The following PLPPR5 variants were observed in gnomAD, a reference collection of about 807,000 sequenced individuals.
PLPPR5 encodes phospholipid phosphatase related 5.
In PLPPR5, 16 loss-of-function variants were observed where a neutral mutation model predicts 33.9. The ratio of observed to expected loss-of-function variants is 0.47; its 90% confidence interval spans 0.32 to 0.72. The LOEUF (loss-of-function observed/expected upper bound fraction) is 0.72, where lower values mean the gene tolerates loss of function less well. Among genes scored for constraint, PLPPR5 ranks in the 30% least tolerant of loss-of-function variants. PLPPR5 has a pLI of 0.03. For missense variants in PLPPR5, 301 were observed against 406.7 expected (o/e 0.74, Z 2.23); for synonymous variants, 163 against 150.3 (o/e 1.08, Z -0.62).
At chr1:98,923,334 G>A (rs115170784) in intron 3 of PLPPR5, among the ~76,000 whole-genome samples, 1,620 of 152,162 alleles carry the variant, frequency 0.011, 23 homozygotes, top group African/African-American at 0.037. Context: ...TGGTATAAAC[G>A]TCAATAAGTA....
intron 3 of PLPPR5, among the ~76,000 whole-genome samples, chr1:98,927,924 T>C (rs1047858045): frequency 2.2e-4 from 33 of 151,738 alleles, no homozygotes; most frequent in Non-Finnish European, 1.3e-4. Flanking sequence ...TTTCATTATA[T>C]ATAATTATAA....
chr1:98,898,632 A>G (rs770714142), intron 5 of PLPPR5, among the ~76,000 whole-genome samples: 3 of 152,172 alleles, frequency 2.0e-5, no homozygotes, highest in Non-Finnish European at 2.9e-5. Context: ...CTCAGATTTG[A>G]AGCTGTAAAA....
At chr1:98,977,718 T>C (rs879282206) in intron 1 of PLPPR5, among the ~76,000 whole-genome samples, 10 of 151,650 alleles carry the variant, frequency 6.6e-5, no homozygotes, top group Middle Eastern at 3.4e-3. Flanking sequence ...AATTTCTCTA[T>C]ACATGGTGAA....
At chr1:98,963,998 G>A (rs1388234516) in intron 1 of PLPPR5, among the ~76,000 whole-genome samples, 6 of 152,056 alleles carry the variant, frequency 3.9e-5, no homozygotes, top group African/African-American at 1.4e-4. Context: ...TGAGGATCTG[G>A]TGTTTTGGTC....
In PLPPR5 at chr1:98,892,782, A is replaced by G; in HGVS notation, c.*290T>C. ...ATGATTCTGTGAGAAACTAAAGTGAATGTTTTATTTAAGAATTTTGTTCAT... is the reference window on the plus strand; with the variant it reads ...ATGATTCTGTGAGAAACTAAAGTGAGTGTTTTATTTAAGAATTTTGTTCAT... On this transcript the variant is annotated 3_prime_UTR_variant, in exon 6 of 6. Transcript: ENST00000263177. 1 of 316,736 alleles carries G rather than the reference A, an allele frequency of 3.2e-6. No homozygotes were observed. Among genetic ancestry groups the G allele is most frequent in the South Asian group, 6.4e-5 (1 of 15,662 alleles). The allele number at this position is 316,736 out of a possible 1,614,324, so 19.6% of individuals were successfully genotyped here.
chr1:98,892,877 A>G lies in PLPPR5; in HGVS notation c.*195T>C. 1 of 566,736 alleles carries G rather than the reference A, an allele frequency of 1.8e-6. No individual in the cohort carries two copies. The highest frequency in any genetic ancestry group is 2.5e-5 in the South Asian group (1 of 40,784). The allele number at this position is 566,736 out of a possible 1,614,324, so 35.1% of individuals were successfully genotyped here. A position where few individuals can be genotyped will look rare whatever the true frequency, so the allele number is the denominator to read the frequency against. The stretch of plus-strand genomic sequence containing the variant: ...TGTTGTAAGTGCTGGGGACACAGAA[A>G]AAAAAAGACAATCCTGCCCTCGAGG... On this transcript the variant is annotated 3_prime_UTR_variant, in exon 6 of 6. Transcript: ENST00000263177.
chr1:98,935,375 C>A (rs1196929733), intron 3 of PLPPR5, among the ~76,000 whole-genome samples: 1 of 152,074 alleles, frequency 6.6e-6, no homozygotes, highest in African/African-American at 2.4e-5. Context: ...ATAATGAGGG[C>A]CTGAACTAAG....
In PLPPR5 at chr1:99,004,618, C is replaced by A; in HGVS notation, c.54G>T (p.Val18=). Residue 18 remains valine, a synonymous_variant, in exon 1 of 6, where the codon GTG becomes GTT. Coordinates refer to ENST00000263177, the MANE Select transcript of PLPPR5 (RefSeq NM_001037317.2). ...CCAGCATCACCGTCCCTGCCATGAT[C>A]ACCATCTGGAAATAGAGCATGCTGC... ...LTSSMLYFQM[V]IMAGTVMLAY... is the part of the protein sequence containing the mutation. 1 of 1,613,118 alleles carries A rather than the reference C, an allele frequency of 6.2e-7. No homozygotes were observed. The highest frequency in any genetic ancestry group is 1.1e-5 in the South Asian group (1 of 91,060).
At chr1:98,925,001 C>A (rs1218313287) in intron 3 of PLPPR5, among the ~76,000 whole-genome samples, 3 of 152,010 alleles carry the variant, frequency 2.0e-5, no homozygotes, top group African/African-American at 2.4e-5. Context: ...ATGGATGTTA[C>A]AAAAGAAAAA....
intron 1 of PLPPR5, among the ~76,000 whole-genome samples, chr1:99,001,133 CT>C (rs72190147): frequency 0.16 from 22,004 of 134,812 alleles, 1,677 homozygotes; most frequent in East Asian, 0.4. Context: ...GTTCCCAACT[CT>C]TTTTTTTTTT....
chr1:98,942,876 C>T (rs1418275935), intron 3 of PLPPR5, among the ~76,000 whole-genome samples: 1 of 152,144 alleles, frequency 6.6e-6, no homozygotes, highest in African/African-American at 2.4e-5. Flanking sequence ...TTCAGTGATA[C>T]CTTTCCTCTG....
At chr1:99,000,533 T>C (rs1652798758) in intron 1 of PLPPR5, among the ~76,000 whole-genome samples, 1 of 152,176 alleles carries the variant, frequency 6.6e-6, no homozygotes. Context: ...CAACTGCTGT[T>C]TCAAGAGTGC....
At chr1:98,939,213 A>G (rs912462157) in intron 3 of PLPPR5, among the ~76,000 whole-genome samples, 1 of 151,860 alleles carries the variant, frequency 6.6e-6, no homozygotes, top group African/African-American at 2.4e-5. Context: ...ACCTATTCTT[A>G]TCTTAAAAAT....
intron 1 of PLPPR5, among the ~76,000 whole-genome samples, chr1:98,975,090 A>T (rs560283985): frequency 1.5e-4 from 23 of 152,124 alleles, no homozygotes; most frequent in Non-Finnish European, 3.1e-4. Context: ...CTCTTTTGTA[A>T]CTATTCCTTT....
intron 3 of PLPPR5, among the ~76,000 whole-genome samples, chr1:98,943,016 T>C (rs770323589): frequency 6.6e-6 from 1 of 152,168 alleles, no homozygotes; most frequent in African/African-American, 2.4e-5. Context: ...TGGGTCCCAA[T>C]TGTCATAACA....
chr1:98,894,150 T>C (rs762198141), intron 5 of PLPPR5, among the ~76,000 whole-genome samples: 8 of 152,066 alleles, frequency 5.3e-5, no homozygotes, highest in Non-Finnish European at 1.0e-4. Context: ...ACCCACTTAA[T>C]ACTAGAAAAA....
At chr1:98,904,356 T>C (rs1648818328) in intron 5 of PLPPR5, among the ~76,000 whole-genome samples, 1 of 148,198 alleles carries the variant, frequency 6.7e-6, no homozygotes, top group South Asian at 2.1e-4. Context: ...TGGGTTTAGA[T>C]GGAAAAAATC....
chr1:98,975,775 G>A (rs758836234), intron 1 of PLPPR5, among the ~76,000 whole-genome samples: 12 of 151,912 alleles, frequency 7.9e-5, no homozygotes, highest in Non-Finnish European at 1.8e-4. Flanking sequence ...GGGATATCTC[G>A]ACCCAAGCTC....
At chr1:98,959,399 T>C (rs1173662674) in intron 1 of PLPPR5, among the ~76,000 whole-genome samples, 3 of 152,334 alleles carry the variant, frequency 2.0e-5, no homozygotes, top group East Asian at 1.9e-4. Flanking sequence ...TCACTGTCAT[T>C]TGGCTGCTAC....
Sources: gnomAD v4.1 joint callset for allele counts (sites outside exome capture counted in the v4.1 genomes callset) on GRCh38, gnomAD v4.1.1 for gene constraint, MANE v1.5 for transcripts, NCBI Gene and HGNC (gene_info 2026-07-23, HGNC 2026-07-21) for gene names.